Variants in ZSWIM2 observed in about 807,000 individuals in gnomAD.
ZSWIM2 encodes the protein zinc finger SWIM-type containing 2.
ZSWIM2 carries 38 observed loss-of-function variants against 48.4 expected under a neutral mutation model. The ratio of observed to expected loss-of-function variants is 0.79; its 90% CI spans 0.61 to 1.03. ZSWIM2 has a LOEUF of 1.03. ZSWIM2 is among the 50% of genes least tolerant of loss of function. The pLI, the probability that ZSWIM2 is intolerant of heterozygous loss-of-function variation, is 0.00. For missense variants in ZSWIM2, 776 were observed against 730.2 expected, an observed-to-expected ratio of 1.06 and a Z score of -0.72; for synonymous variants, 240 against 251.3, an observed-to-expected ratio of 0.96 and a Z score of 0.42.
chr2:186,843,365 A>T (rs1178325143), intron 3 of ZSWIM2, among the ~76,000 whole-genome samples: 1 of 151,696 alleles, frequency 6.6e-6, no homozygotes, highest in Non-Finnish European at 1.5e-5. Flanking sequence ...CTGACATTTT[A>T]GAAAGAATCT....
In ZSWIM2 at chr2:186,828,357, G is replaced by C. The variant is rs531631995; in HGVS notation, c.1529C>G (p.Ser510Cys). ...AACAATAGGAGGAAGCAGTGTTTGAGATGGTATTTTCCCAAATGACACAGT... is the reference window on the plus strand; with the variant it reads ...AACAATAGGAGGAAGCAGTGTTTGACATGGTATTTTCCCAAATGACACAGT... The part of the protein sequence containing the change: ...LPTVSFGKIP[S>C]QTLLPPIVHK... The change falls in exon 9 of 9, where the codon TCT (serine) becomes TGT (cysteine). Residue 510 changes from serine (S) to cysteine (C), a missense_variant. Physicochemically the swap from Ser to Cys is moderately radical, Grantham distance 112. Coordinates refer to ENST00000295131, the MANE Select transcript of ZSWIM2 (RefSeq NM_182521.3). 3.9e-5 allele frequency: 63 copies of C among 1,613,672 alleles called. 1 individual carries two copies. In the Middle Eastern group the frequency reaches 3.0e-3, roughly 76 times the overall value.
At position 186,840,986 on chromosome 2, in the gene ZSWIM2, A is replaced by G. The variant is rs376140038; in HGVS notation, c.284-1817T>C. Among the ~76,000 whole-genome samples, 12 of 151,574 alleles carry G rather than the reference A, an allele frequency of 7.9e-5. No homozygotes were observed. In the East Asian group the frequency reaches 1.3e-3, roughly 17 times the overall value. On this transcript the variant is annotated intron_variant, in intron 3 of 8. Transcript: ENST00000295131. Reference sequence around the variant, plus strand: ...CAAATAGTAAACAAGGCAGTGGAAGATGTTCAATTTTATTTGCATCAAAGG... The same window carrying G: ...CAAATAGTAAACAAGGCAGTGGAAGGTGTTCAATTTTATTTGCATCAAAGG...
chr2:186,846,810 C>CACATATATATATATATATATATAT (rs1265650832), intron 2 of ZSWIM2, among the ~76,000 whole-genome samples: 35 of 143,678 alleles, frequency 2.4e-4, no homozygotes, highest in South Asian at 6.4e-4. Context: ...CACACACACA[C>CACATATATATATATATATATATAT]ATATATATAT....
At position 186,848,797 on chromosome 2, in the gene ZSWIM2, A is replaced by G. The variant is rs1692048839; in HGVS notation, c.165+169T>C. On this transcript the variant is annotated intron_variant, in intron 1 of 8. Transcript: ENST00000295131. ...TCTAATAAATACTATTTCCTTCTGT[A>G]ATTTCACGTATTTTAGAGTCTGGAA... 7 of 794,100 alleles carry G rather than the reference A, an allele frequency of 8.8e-6. No homozygotes were observed. The East Asian group carries it at 1.8e-4, about 20-fold the overall frequency. 49.2% of individuals were successfully genotyped at this position (794,100 alleles called of 1,614,324 possible). A position where few individuals can be genotyped will look rare whatever the true frequency, so the allele number is the denominator to read the frequency against.
chr2:186,836,270 T>C (rs1026118952), intron 5 of ZSWIM2, among the ~76,000 whole-genome samples: 3 of 152,134 alleles, frequency 2.0e-5, no homozygotes, highest in South Asian at 4.1e-4. Context: ...GATCAAGTCC[T>C]TCCTTTTCCT....
At chr2:186,847,238 A>AGGAAAATATTTTGAAAC (rs1692020954) in intron 2 of ZSWIM2, among the ~76,000 whole-genome samples, 1 of 152,126 alleles carries the variant, frequency 6.6e-6, no homozygotes, top group Non-Finnish European at 1.5e-5. Context: ...TTAACTGAAA[A>AGGAAAATATTTTGAAAC]GGAAAATATT....
At position 186,847,705 on chromosome 2, in the gene ZSWIM2, G is replaced by GAA. The variant is rs768395342; in HGVS notation, c.242+12_242+13dup. 1 of 1,582,136 alleles carries GAA rather than the reference G, an allele frequency of 6.3e-7. No individual in the cohort carries two copies. Among genetic ancestry groups the GAA allele is most frequent in the South Asian group, 1.2e-5 (1 of 85,916 alleles). On this transcript the variant is annotated intron_variant, in intron 2 of 8. Coordinates refer to ENST00000295131, the MANE Select transcript of ZSWIM2 (RefSeq NM_182521.3). ...GTTCCTTCATGGAAGATCTTCATTT[G>GAA]AAAAGTCACTTACCAGCAGATATGC...
intron 7 of ZSWIM2, among the ~76,000 whole-genome samples, chr2:186,832,764 T>C (rs1423655881): frequency 1.3e-5 from 2 of 152,174 alleles, no homozygotes; most frequent in East Asian, 1.9e-4. Flanking sequence ...TTAAAAATAA[T>C]AGATAACATT....
chr2:186,833,535 C>T (rs1027495245), intron 6 of ZSWIM2, among the ~76,000 whole-genome samples: 8 of 151,958 alleles, frequency 5.3e-5, no homozygotes, highest in South Asian at 4.1e-4. Flanking sequence ...TTTAAGTGTA[C>T]GGTTTAAATT....
chr2:186,838,252 AAGT>A (rs1691834516), intron 4 of ZSWIM2, among the ~76,000 whole-genome samples: 1 of 151,322 alleles, frequency 6.6e-6, no homozygotes, highest in Non-Finnish European at 1.5e-5. Context: ...AATAAAATAA[AAGT>A]AGACAGCTGA....
Position 186,837,494 on chromosome 2 carries a change from A to C in ZSWIM2, c.555T>G (p.Ser185Arg). The change falls in exon 5 of 9, where the codon AGT becomes AGG. Residue 185 changes from serine (S) to arginine (R), a missense_variant. Transcript: ENST00000295131. ...ATTTCAACATGGAAGTGTTTGATGT[A>C]CTCTGATAATTAGCTAAGATCTTCA... ...KCMKILANYQ[S>R]TSNTSMLKCP... 6.2e-7 allele frequency: 1 copy of C among 1,611,960 alleles called. No individual in the cohort carries two copies. The highest frequency in any genetic ancestry group is 1.1e-5 in the South Asian group (1 of 91,048).
At chr2:186,844,688 A>T in intron 3 of ZSWIM2, 29 bp downstream of exon 3, 1 of 1,536,594 alleles carries the variant, frequency 6.5e-7, no homozygotes, top group East Asian at 2.4e-5. Flanking sequence ...TAAAAAAAAA[A>T]CACAAAAAAC....
chr2:186,840,290 C>A (rs1200028705), intron 3 of ZSWIM2, among the ~76,000 whole-genome samples: 4 of 151,556 alleles, frequency 2.6e-5, no homozygotes, highest in African/African-American at 9.7e-5. Flanking sequence ...ACTGGGGCAG[C>A]AGAAATACTG....
rs1416553102 is a variant in ZSWIM2 at position 186,827,544 on chromosome 2, T to A, written c.*440A>T. Reference sequence around the variant, plus strand: ...TGTATAAGAAAACTCCTTTATGGAGTTTTTTAAGGTTTTTTTTTATAGGTT... The same window carrying A: ...TGTATAAGAAAACTCCTTTATGGAGATTTTTAAGGTTTTTTTTTATAGGTT... On this transcript the variant is annotated 3_prime_UTR_variant, in exon 9 of 9. Transcript: ENST00000295131. 7.1e-6 allele frequency among the ~76,000 whole-genome samples: 1 copy of A among 140,944 alleles called. No individual in the cohort carries two copies. Among genetic ancestry groups the A allele is most frequent in the Non-Finnish European group, 1.6e-5 (1 of 61,888 alleles). The allele number at this position is 140,944 out of a possible 152,430, so 92.5% of individuals were successfully genotyped here.
In ZSWIM2 at chr2:186,837,367, T is replaced by C; in HGVS notation, c.682A>G (p.Lys228Glu). Residue 228 changes from lysine to glutamate, a missense_variant, in exon 5 of 9, where the codon AAA (lysine) becomes GAA (glutamate). Transcript: ENST00000295131. ...VAAAEKERLDKHLGIPCNNCK... is the reference protein window; with the variant it reads ...VAAAEKERLDEHLGIPCNNCK... ...TTATTACAGGGAATCCCAAGGTGTT[T>C]GTCCAGTCTCTCTTTTTCTGCTGCA... 1 of 1,613,070 alleles carries C rather than the reference T, an allele frequency of 6.2e-7. No individual in the cohort carries two copies. The highest frequency in any genetic ancestry group is 8.5e-7 in the Non-Finnish European group (1 of 1,179,348).
chr2:186,827,759 C>T lies in ZSWIM2; in HGVS notation c.*225G>A. On this transcript the variant is annotated 3_prime_UTR_variant, in exon 9 of 9. Transcript: ENST00000295131. ...TAAGATAAAGGCTCTAAAAATTATT[C>T]ATTATTTATAACATCCTGAATATAT... is the stretch of plus-strand genomic sequence containing the variant. The T allele has an allele frequency of 3.4e-6, 1 of 290,930 alleles. No individual in the cohort carries two copies. The highest frequency in any genetic ancestry group is 6.3e-6 in the Non-Finnish European group (1 of 159,024). The allele number at this position is 290,930 out of a possible 1,614,324, so 18.0% of individuals were successfully genotyped here.
intron 5 of ZSWIM2, 39 bp downstream of exon 5, chr2:186,837,267 A>T (rs1302565528): frequency 3.1e-6 from 5 of 1,600,386 alleles, no homozygotes; most frequent in African/African-American, 1.4e-5. Flanking sequence ...TAAAAAAATA[A>T]AAAAGAACAC....
rs6434197 is a variant in ZSWIM2, at chr2:186,833,980, C to T, written c.794G>A (p.Cys265Tyr). Residue 265 changes from cysteine to tyrosine, a missense_variant, in exon 6 of 9, where the codon TGC becomes TAC. By Grantham distance (194) the Cys-to-Tyr change is radical. Coordinates refer to ENST00000295131, the MANE Select transcript of ZSWIM2 (RefSeq NM_182521.3). The stretch of plus-strand genomic sequence containing the variant: ...TGTAAACGTGTGGGAAAGATGGCAG[C>T]AGCTATCAAAACATTCCTGGCATAA... The part of the protein sequence containing the change: ...YHLCQECFDS[C>Y]CHLSHTFTFR... The T allele has an allele frequency of 0.12, 192,193 of 1,611,298 alleles. 15,153 individuals carry two copies. The highest frequency in any genetic ancestry group is 0.4 in the African/African-American group (30,123 of 74,706).
chr2:186,832,164 G>C (rs1206026426), intron 7 of ZSWIM2, among the ~76,000 whole-genome samples: 1 of 151,146 alleles, frequency 6.6e-6, no homozygotes, highest in Non-Finnish European at 1.5e-5. Context: ...GCCTCGGTTG[G>C]AGTACAGAAT....
Sources: gnomAD v4.1 joint callset for allele counts (sites outside exome capture counted in the v4.1 genomes callset) on GRCh38, gnomAD v4.1.1 for gene constraint, MANE v1.5 for transcripts, NCBI Gene and HGNC (gene_info 2026-07-23, HGNC 2026-07-21) for gene names.